RASEF: variants seen among roughly 807,000 people sequenced by gnomAD.
The protein encoded by RASEF is ras and EF-hand domain-containing protein.
Under a neutral mutation model 90.1 loss-of-function variants are expected in RASEF, and 68 were observed. The observed-to-expected ratio is 0.75, with a 90% CI of 0.62 to 0.92. The LOEUF (loss-of-function observed/expected upper bound fraction) is 0.92, where lower values mean the gene tolerates loss of function less well. Among genes scored for constraint, RASEF ranks in the 40% least tolerant of loss-of-function variants. The pLI is 0.00. For synonymous variants in RASEF, 331 were observed against 345.2 expected (o/e 0.96, Z 0.46); for missense variants, 949 against 937.2 (o/e 1.01, Z -0.16).
the RASEF span, among the ~76,000 whole-genome samples, chr9:83,167,086 A>C: frequency 1.3e-5 from 2 of 152,162 alleles, no homozygotes; most frequent in East Asian, 3.8e-4. Flanking sequence ...AAGTGGGATC[A>C]AAGTAGCACT....
the RASEF span, among the ~76,000 whole-genome samples, chr9:83,134,064 C>T: frequency 6.6e-6 from 1 of 152,132 alleles, no homozygotes. Context: ...TATGGGTATA[C>T]ACATAGACAT....
At chr9:83,084,559 C>T in the RASEF span, among the ~76,000 whole-genome samples, 2 of 152,230 alleles carry the variant, frequency 1.3e-5, no homozygotes, top group South Asian at 2.1e-4. Flanking sequence ...ATTGTGGGGG[C>T]GACTTGATGC....
At chr9:83,154,803 T>A in the RASEF span, among the ~76,000 whole-genome samples, 203 of 152,360 alleles carry the variant, frequency 1.3e-3, 1 homozygote, top group Middle Eastern at 6.8e-3. Context: ...ATTGCATTAA[T>A]AAAGTGTTCT....
Position 83,005,431 on chromosome 9 carries a change from C to T in RASEF, c.1098G>A (p.Lys366=), listed in dbSNP as rs757994264. 3.1e-6 allele frequency: 5 copies of T among 1,612,298 alleles called. No homozygotes were observed. In the East Asian group the frequency reaches 8.9e-5, roughly 29 times the overall value. The change falls in exon 8 of 17, where the codon AAG becomes AAA. Residue 366 remains lysine (K), a synonymous_variant. Coordinates refer to ENST00000376447, the MANE Select transcript of RASEF (RefSeq NM_152573.4). ...TGTGGCATACCAAAGATCTGTTGAA[C>T]TTGCTATAACTGTTTTCAAGGGCAC... The part of the protein sequence containing the change: ...LRSALENSYS[K]FNRSLHINNI...
At chr9:83,209,082 C>G in the RASEF span, among the ~76,000 whole-genome samples, 1 of 152,240 alleles carries the variant, frequency 6.6e-6, no homozygotes, top group African/African-American at 2.4e-5. Flanking sequence ...CCCCACTGGG[C>G]TCTCTGGTCC....
At chr9:83,084,489 A>C in the RASEF span, among the ~76,000 whole-genome samples, 1 of 152,188 alleles carries the variant, frequency 6.6e-6, no homozygotes, top group East Asian at 1.9e-4. Context: ...TAGTTTTCTG[A>C]CTCAAAATGT....
At chr9:83,135,587 T>A in the RASEF span, among the ~76,000 whole-genome samples, 3 of 152,214 alleles carry the variant, frequency 2.0e-5, no homozygotes, top group African/African-American at 7.2e-5. Flanking sequence ...AAACCAGCTA[T>A]TTTTAAAGCC....
At chr9:83,207,743 G>T in the RASEF span, among the ~76,000 whole-genome samples, 1 of 151,484 alleles carries the variant, frequency 6.6e-6, no homozygotes, top group East Asian at 2.0e-4. Context: ...AGGTAGCTAG[G>T]ATTACAGGCA....
chr9:83,191,559 C>A, the RASEF span, among the ~76,000 whole-genome samples: 1 of 152,148 alleles, frequency 6.6e-6, no homozygotes, highest in East Asian at 1.9e-4. Context: ...ATTTTTTAAA[C>A]ATTTAGAGTC....
Position 83,000,271 on chromosome 9 carries a change from C to T in RASEF, c.1621G>A (p.Ala541Thr). The T allele has an allele frequency of 6.2e-7, 1 of 1,614,068 alleles. No homozygotes were observed. Among genetic ancestry groups the T allele is most frequent in the Non-Finnish European group, 8.5e-7 (1 of 1,179,998 alleles). ...DNAKSFSSQK[A>T]YKIVLAGDAA... ...TCCCCAGCAAGTACAATCTTGTAAG[C>T]CTTCTGTGAGCTAAAAGATTTAGCG... Residue 541 changes from alanine (A) to threonine (T), a missense_variant, in exon 12 of 17, where the codon GCT becomes ACT. Ala to Thr is a moderately conservative substitution (Grantham distance 58). Around this residue, in one of 3 missense-constraint regions of RASEF, gnomAD observed 288 missense variants for 328.4 expected, o/e 0.88. Coordinates refer to ENST00000376447, the MANE Select transcript of RASEF (RefSeq NM_152573.4).
At chr9:83,035,718 C>T (rs1282339814) in intron 1 of RASEF, among the ~76,000 whole-genome samples, 2 of 151,638 alleles carry the variant, frequency 1.3e-5, no homozygotes, top group Non-Finnish European at 2.9e-5. Context: ...AGTTATTTTT[C>T]ATGGAAAAAA....
the RASEF span, among the ~76,000 whole-genome samples, chr9:83,145,722 G>T: frequency 6.6e-6 from 1 of 151,948 alleles, no homozygotes; most frequent in African/African-American, 2.4e-5. Context: ...TAGAAATAAA[G>T]AGGGGAAAAT....
At chr9:83,144,370 A>AGGAAG in the RASEF span, among the ~76,000 whole-genome samples, 34 of 60,990 alleles carry the variant, frequency 5.6e-4, no homozygotes, top group African/African-American at 2.4e-3. Context: ...AAAGAAAGAA[A>AGGAAG]GAAAGAAAGA....
At chr9:83,035,463 T>A in intron 1 of RASEF, among the ~76,000 whole-genome samples, 1 of 152,214 alleles carries the variant, frequency 6.6e-6, no homozygotes, top group East Asian at 1.9e-4. Flanking sequence ...AACAGGCTTT[T>A]ATTCACATCG....
chr9:83,194,846 C>G, the RASEF span, among the ~76,000 whole-genome samples: 7 of 152,196 alleles, frequency 4.6e-5, no homozygotes, highest in Admixed American at 4.6e-4. Flanking sequence ...TCCTGTGCCC[C>G]TTTGATATGC....
chr9:82,994,750 G>A (rs1312719185), intron 14 of RASEF, among the ~76,000 whole-genome samples: 1 of 152,178 alleles, frequency 6.6e-6, no homozygotes, highest in East Asian at 1.9e-4. Flanking sequence ...AAATATTCAT[G>A]ACAGATAAAC....
chr9:83,107,104 A>T, the RASEF span, among the ~76,000 whole-genome samples: 4 of 152,172 alleles, frequency 2.6e-5, no homozygotes, highest in Non-Finnish European at 5.9e-5. Flanking sequence ...CTCCCTAGAC[A>T]TGTCCATAGA....
the RASEF span, among the ~76,000 whole-genome samples, chr9:83,079,245 G>C: frequency 1.3e-5 from 2 of 152,134 alleles, no homozygotes; most frequent in African/African-American, 4.8e-5. Flanking sequence ...GTAAGGAAGA[G>C]GTCCAGCTTT....
At chr9:83,153,517 C>T in the RASEF span, among the ~76,000 whole-genome samples, 4 of 152,322 alleles carry the variant, frequency 2.6e-5, no homozygotes, top group South Asian at 8.3e-4. Flanking sequence ...AGAAAGTTAT[C>T]TGAGCCCCTT....
Sources: gnomAD v4.1 joint callset for allele counts (sites outside exome capture counted in the v4.1 genomes callset) on GRCh38, gnomAD v4.1.1 for gene constraint, gnomAD v4.1.1 regional missense constraint, MANE v1.5 for transcripts, NCBI Gene and HGNC (gene_info 2026-07-23, HGNC 2026-07-21) for gene names.